Variants in ZFYVE9 observed in about 807,000 individuals in gnomAD.
ZFYVE9 encodes the protein zinc finger FYVE domain-containing protein 9.
A neutral mutation model predicts 126.7 loss-of-function variants in ZFYVE9; 43 were observed. The observed-to-expected ratio is 0.34, with a 90% confidence interval of 0.27 to 0.44. The LOEUF (loss-of-function observed/expected upper bound fraction) is 0.44. ZFYVE9 is among the 20% of genes least tolerant of loss of function. The probability of loss-of-function intolerance (pLI) is 1.00; values close to 1 mark genes in which losing one functional copy is unlikely to be tolerated. For synonymous variants in ZFYVE9, 521 were observed against 597.4 expected (o/e 0.87, Z 1.87); for missense variants, 1,476 against 1,697.0 (o/e 0.87, Z 2.29).
At chr1:52,189,140 T>C (rs1047540408) in intron 1 of ZFYVE9, among the ~76,000 whole-genome samples, 2 of 151,954 alleles carry the variant, frequency 1.3e-5, no homozygotes, top group African/African-American at 2.4e-5. Flanking sequence ...TTTCACCATA[T>C]TGGCCCGGGT....
At chr1:52,152,208 T>C (rs1644364022) in intron 1 of ZFYVE9, among the ~76,000 whole-genome samples, 1 of 152,172 alleles carries the variant, frequency 6.6e-6, no homozygotes. Flanking sequence ...CAGGCTGATC[T>C]CGAACTCCTG....
At chr1:52,246,102 AT>A (rs1276054437) in intron 4 of ZFYVE9, among the ~76,000 whole-genome samples, 1 of 151,686 alleles carries the variant, frequency 6.6e-6, no homozygotes, top group Non-Finnish European at 1.5e-5. Flanking sequence ...TAATTTTTGT[AT>A]TTTTTGGTAG....
intron 18 of ZFYVE9, among the ~76,000 whole-genome samples, chr1:52,345,325 T>A (rs1646474035): frequency 6.6e-6 from 1 of 152,032 alleles, no homozygotes; most frequent in African/African-American, 2.4e-5. Flanking sequence ...CTCAGCTTGA[T>A]CCCCCTTCCC....
At chr1:52,202,908 A>T (rs528688968) in intron 1 of ZFYVE9, among the ~76,000 whole-genome samples, 414 of 151,584 alleles carry the variant, frequency 2.7e-3, no homozygotes, top group Non-Finnish European at 4.7e-3. Context: ...TTGGTCTCGA[A>T]CTCCTGACCT....
intron 11 of ZFYVE9, among the ~76,000 whole-genome samples, chr1:52,295,339 G>GGTTTGTTTGTTTGTTT (rs144066928): frequency 1.3e-5 from 2 of 149,574 alleles, no homozygotes; most frequent in Non-Finnish European, 3.0e-5. Flanking sequence ...AGACCTTGTG[G>GGTTTGTTTGTTTGTTT]GTTTGTTTGT....
chr1:52,298,647 A>C (rs1337341645), intron 12 of ZFYVE9, among the ~76,000 whole-genome samples: 2 of 151,806 alleles, frequency 1.3e-5, no homozygotes, highest in African/African-American at 2.4e-5. Flanking sequence ...TTTTATAAGA[A>C]TATTAAGGTT....
intron 8 of ZFYVE9, among the ~76,000 whole-genome samples, chr1:52,275,793 C>T (rs116254227): frequency 6.6e-6 from 1 of 152,058 alleles, no homozygotes; most frequent in African/African-American, 2.4e-5. Context: ...GTCTTCCACA[C>T]TGTTGCCAGT....
chr1:52,297,248 T>C (rs1480624995), intron 12 of ZFYVE9, among the ~76,000 whole-genome samples: 1 of 151,438 alleles, frequency 6.6e-6, no homozygotes, highest in African/African-American at 2.4e-5. Flanking sequence ...ATTTCTTTTT[T>C]TTTTTTTTTT....
Position 52,263,931 on chromosome 1 carries a change from G to A in ZFYVE9, c.2278+59G>A, listed in dbSNP as rs760127378. The A allele has an allele frequency of 2.5e-6, 3 of 1,181,674 alleles. No homozygotes were observed. The Admixed American group carries it at 7.1e-5, about 28-fold the overall frequency. 73.2% of individuals were successfully genotyped at this position (1,181,674 alleles called of 1,614,324 possible). A position where few individuals can be genotyped will look rare whatever the true frequency, so the allele number is the denominator to read the frequency against. The stretch of plus-strand genomic sequence containing the variant: ...TGAGACAAAACAAGGGAATTACGAT[G>A]AGAAGACTTTTTTCCCCCTGCCTTT... On this transcript the variant is annotated intron_variant, in intron 5 of 18. Coordinates refer to ENST00000287727, the MANE Select transcript of ZFYVE9 (RefSeq NM_004799.4).
At chr1:52,234,225 T>G (rs1403922701) in intron 3 of ZFYVE9, among the ~76,000 whole-genome samples, 1 of 152,206 alleles carries the variant, frequency 6.6e-6, no homozygotes, top group Non-Finnish European at 1.5e-5. Flanking sequence ...ATTAACAAGT[T>G]TACAAAGTGG....
chr1:52,223,951 G>T (rs1207320476), intron 2 of ZFYVE9, among the ~76,000 whole-genome samples: 1 of 152,168 alleles, frequency 6.6e-6, no homozygotes, highest in Admixed American at 6.5e-5. Context: ...CAGCCCAAGT[G>T]TACAGTTGTG....
intron 1 of ZFYVE9, among the ~76,000 whole-genome samples, chr1:52,183,100 A>G (rs75323331): frequency 0.018 from 2,777 of 152,268 alleles, 105 homozygotes; most frequent in African/African-American, 0.064. Flanking sequence ...GGCTGTGAAA[A>G]GAAGGCGAAA....
At position 52,237,422 on chromosome 1, in the gene ZFYVE9, T is replaced by A. The variant is rs567591420; in HGVS notation, c.71-66T>A. 2.9e-5 allele frequency: 39 copies of A among 1,353,706 alleles called. No individual in the cohort carries two copies. The African/African-American group carries it at 5.0e-4, about 17-fold the overall frequency. The allele number at this position is 1,353,706 out of a possible 1,614,324, so 83.9% of individuals were successfully genotyped here. On this transcript the variant is annotated intron_variant, in intron 3 of 18. Transcript: ENST00000287727. ...TTTCAAACGATAGTTAGAAATGTTATTAACTTAGTCATAAGCTTTTCCAGT... is the reference window on the plus strand; with the variant it reads ...TTTCAAACGATAGTTAGAAATGTTAATAACTTAGTCATAAGCTTTTCCAGT...
chr1:52,289,406 G>A (rs1569680379), intron 10 of ZFYVE9, among the ~76,000 whole-genome samples: 1 of 152,134 alleles, frequency 6.6e-6, no homozygotes, highest in East Asian at 1.9e-4. Context: ...CCTCATTAAT[G>A]TTATGTAAAA....
chr1:52,228,566 A>G (rs759525743), intron 2 of ZFYVE9, among the ~76,000 whole-genome samples: 1 of 152,178 alleles, frequency 6.6e-6, no homozygotes, highest in Non-Finnish European at 1.5e-5. Flanking sequence ...CCCTTCCCAC[A>G]CATATACTCT....
chr1:52,290,279 G>A (rs989282924), intron 10 of ZFYVE9, among the ~76,000 whole-genome samples: 1 of 152,150 alleles, frequency 6.6e-6, no homozygotes, highest in Admixed American at 6.5e-5. Flanking sequence ...ATAAGGGAGG[G>A]CAAACTTGTC....
intron 1 of ZFYVE9, among the ~76,000 whole-genome samples, chr1:52,200,516 C>T (rs1644913708): frequency 1.3e-5 from 2 of 152,038 alleles, no homozygotes; most frequent in South Asian, 4.1e-4. Context: ...TGAAGGTGCA[C>T]CTTATCAATT....
intron 4 of ZFYVE9, among the ~76,000 whole-genome samples, chr1:52,241,066 C>A (rs1645329265): frequency 6.6e-6 from 1 of 152,090 alleles, no homozygotes; most frequent in Non-Finnish European, 1.5e-5. Flanking sequence ...GATTTTGGTT[C>A]CTCTTGCCAC....
At chr1:52,219,451 CT>C (rs1159746018) in intron 2 of ZFYVE9, among the ~76,000 whole-genome samples, 2 of 151,908 alleles carry the variant, frequency 1.3e-5, no homozygotes, top group Non-Finnish European at 2.9e-5. Flanking sequence ...GTTCAGATTG[CT>C]GTCTCAGTGG....
Sources: allele counts gnomAD v4.1 joint callset (sites outside exome capture counted in the v4.1 genomes callset), GRCh38; gene constraint gnomAD v4.1.1; transcripts MANE v1.5; gene names NCBI Gene and HGNC (gene_info 2026-07-23, HGNC 2026-07-21).